Variants in GLRA2 observed in about 807,000 individuals in gnomAD.
GLRA2 encodes glycine receptor alpha 2.
A neutral mutation model predicts 31.6 loss-of-function variants in GLRA2; 11 were observed. The observed-to-expected ratio is 0.35, with a 90% CI of 0.22 to 0.58. GLRA2 has a LOEUF of 0.58. Ranked by LOEUF, GLRA2 falls within the 20% of genes least tolerant of loss-of-function variation. The pLI, the probability that GLRA2 is intolerant of heterozygous loss-of-function variation, is 0.84. For synonymous variants in GLRA2, 132 were observed against 134.0 expected (o/e 0.99, Z 0.10); for missense variants, 212 against 351.8 (o/e 0.60, Z 3.18).
intron 2 of GLRA2, among the ~76,000 whole-genome samples, chrX:14,548,404 TTATC>T (rs772357055): frequency 5.4e-5 from 6 of 111,777 alleles, no homozygotes; most frequent in African/African-American, 1.9e-4. Flanking sequence ...CACTTTCTGT[TTATC>T]TAGGAGCTTA....
At chrX:14,517,178 A>C in the GLRA2 span, among the ~76,000 whole-genome samples, 2 of 112,322 alleles carry the variant, frequency 1.8e-5, no homozygotes, top group South Asian at 7.5e-4. Context: ...AAACTCTTTG[A>C]ACAAGAGCAC....
Position 14,608,855 on chromosome X carries a change from T to C in GLRA2, c.716-136T>C, listed in dbSNP as rs1310587386. 3 of 447,603 alleles carry C rather than the reference T, an allele frequency of 6.7e-6. No individual in the cohort carries two copies. The East Asian group carries it at 1.1e-4, about 17-fold the overall frequency. 36.9% of individuals were successfully genotyped at this position (447,603 alleles called of 1,213,427 possible). A position where few individuals can be genotyped will look rare whatever the true frequency, so the allele number is the denominator to read the frequency against. On this transcript the variant is annotated intron_variant, in intron 6 of 8. Transcript: ENST00000218075. The stretch of plus-strand genomic sequence containing the variant: ...TTGGAGAAGAGTTGAATTGGTTACG[T>C]AGGGTGAACATTTTGTGCAATCTTC...
At chrX:14,494,114 A>T in the GLRA2 span, among the ~76,000 whole-genome samples, 1 of 111,353 alleles carries the variant, frequency 9.0e-6, no homozygotes, top group Non-Finnish European at 1.9e-5. Flanking sequence ...TATGAAGTTC[A>T]AAAGAAGGTA....
chrX:14,456,769 G>A, the GLRA2 span, among the ~76,000 whole-genome samples: 115 of 112,242 alleles, frequency 1.0e-3, no homozygotes, highest in East Asian at 0.017. Flanking sequence ...TGTTGGGCAC[G>A]TAGATTAATT....
intron 4 of GLRA2, among the ~76,000 whole-genome samples, chrX:14,585,663 A>G (rs2147070925): frequency 8.9e-6 from 1 of 111,908 alleles, no homozygotes; most frequent in South Asian, 3.8e-4. Flanking sequence ...TACTCCCAGG[A>G]GAGGAAATCC....
At chrX:14,614,642 C>T (rs983045710) in intron 7 of GLRA2, among the ~76,000 whole-genome samples, 1 of 112,105 alleles carries the variant, frequency 8.9e-6, no homozygotes, top group Non-Finnish European at 1.9e-5. Flanking sequence ...TTCCAGCTAA[C>T]CTACTGCCTT....
At chrX:14,469,843 A>G in the GLRA2 span, among the ~76,000 whole-genome samples, 3 of 110,119 alleles carry the variant, frequency 2.7e-5, no homozygotes, top group African/African-American at 9.9e-5. Flanking sequence ...CTTAAAATAT[A>G]ATAATAATTT....
At chrX:14,589,018 G>A (rs971059598) in intron 4 of GLRA2, among the ~76,000 whole-genome samples, 2 of 111,598 alleles carry the variant, frequency 1.8e-5, no homozygotes, top group Non-Finnish European at 3.8e-5. Context: ...CATATCATTA[G>A]CTAAGAGAAA....
At chrX:14,692,288 T>G in intron 8 of GLRA2, among the ~76,000 whole-genome samples, 1 of 112,588 alleles carries the variant, frequency 8.9e-6, no homozygotes, top group East Asian at 2.8e-4. Flanking sequence ...TTCTCCTCAC[T>G]GCCTCCCTGT....
chrX:14,606,695 T>C (rs940397090), intron 5 of GLRA2, among the ~76,000 whole-genome samples: 4 of 111,752 alleles, frequency 3.6e-5, no homozygotes, highest in African/African-American at 9.7e-5. Context: ...GATTAATTCA[T>C]TCTCATTTAA....
At chrX:14,674,953 C>T (rs777991470) in intron 7 of GLRA2, among the ~76,000 whole-genome samples, 1 of 111,857 alleles carries the variant, frequency 8.9e-6, no homozygotes, top group Admixed American at 9.5e-5. Flanking sequence ...TCCGAATCCC[C>T]ACTTCCCCCT....
Position 14,731,326 on chromosome X carries a change from A to G in GLRA2, c.*841A>G, listed in dbSNP as rs748150864. The G allele has an allele frequency of 1.4e-4, 16 of 112,182 alleles. No homozygotes were observed. The highest frequency in any genetic ancestry group is 4.9e-4 in the African/African-American group (15 of 30,813). 9.2% of individuals were successfully genotyped at this position (112,182 alleles called of 1,213,427 possible). On this transcript the variant is annotated 3_prime_UTR_variant, in exon 9 of 9. Coordinates refer to ENST00000218075, the MANE Select transcript of GLRA2 (RefSeq NM_002063.4). ...CTTTATTTTATATCCAAGTTAGTGC[A>G]TTATATATATATTTTTGCTTTGGCT...
chrX:14,720,527 T>C (rs767179971), intron 8 of GLRA2, among the ~76,000 whole-genome samples: 2 of 111,101 alleles, frequency 1.8e-5, no homozygotes, highest in Admixed American at 9.6e-5. Flanking sequence ...CATTCAAAAA[T>C]AGGGGGAACA....
intron 8 of GLRA2, among the ~76,000 whole-genome samples, chrX:14,704,639 C>T (rs932871906): frequency 9.0e-6 from 1 of 111,609 alleles, no homozygotes; most frequent in South Asian, 3.7e-4. Context: ...CAGCATCAGA[C>T]GCGAGTATAA....
chrX:14,584,508 T>C (rs1053176654), intron 4 of GLRA2, among the ~76,000 whole-genome samples: 3 of 112,128 alleles, frequency 2.7e-5, no homozygotes, highest in East Asian at 5.6e-4. Flanking sequence ...TGGTTCTGTA[T>C]TGTAAATTCC....
chrX:14,628,194 C>A (rs1464152455), intron 7 of GLRA2, among the ~76,000 whole-genome samples: 1 of 111,585 alleles, frequency 9.0e-6, no homozygotes, highest in Non-Finnish European at 1.9e-5. Context: ...GATTCTTTTA[C>A]TCATTTATTT....
At chrX:14,473,917 G>A in the GLRA2 span, among the ~76,000 whole-genome samples, 2 of 111,957 alleles carry the variant, frequency 1.8e-5, no homozygotes, top group Admixed American at 9.5e-5. Flanking sequence ...GGAAATTGAC[G>A]TGAACTTATC....
chrX:14,649,640 T>A (rs1320184824), intron 7 of GLRA2, among the ~76,000 whole-genome samples: 3 of 111,845 alleles, frequency 2.7e-5, no homozygotes, highest in Non-Finnish European at 5.6e-5. Flanking sequence ...AATTGTATTT[T>A]TAATGTTGAG....
intron 7 of GLRA2, among the ~76,000 whole-genome samples, chrX:14,630,698 G>C (rs998216689): frequency 9.0e-6 from 1 of 110,518 alleles, no homozygotes; most frequent in African/African-American, 3.3e-5. Context: ...CCACAGACTG[G>C]GTAATTTACA....
Sources: gnomAD v4.1 joint callset for allele counts (sites outside exome capture counted in the v4.1 genomes callset) on GRCh38, gnomAD v4.1.1 for gene constraint, MANE v1.5 for transcripts, NCBI Gene and HGNC (gene_info 2026-07-23, HGNC 2026-07-21) for gene names.